The following PLVAP variants were observed in gnomAD, a reference collection of about 807,000 sequenced individuals.
The protein encoded by PLVAP is plasmalemma vesicle-associated protein.
PLVAP carries 34 observed loss-of-function variants against 43.1 expected under a neutral mutation model. The ratio of observed to expected loss-of-function variants is 0.79; its 90% confidence interval spans 0.60 to 1.05. The LOEUF is 1.05. Among genes scored for constraint, PLVAP ranks in the 50% least tolerant of loss-of-function variants. PLVAP has a pLI of 0.00. For missense variants in PLVAP, 574 were observed against 593.4 expected, an observed-to-expected ratio of 0.97 and a Z score of 0.34; for synonymous variants, 241 against 237.3, an observed-to-expected ratio of 1.02 and a Z score of -0.14.
At position 17,359,693 on chromosome 19, in the gene PLVAP, C is replaced by CTTTTT. The variant is rs10617408; in HGVS notation, c.1322+830_1322+834dup. Reference sequence around the variant, plus strand: ...AGGCGTAAGCCACCGTACCCGGCCTCTTTTTTTTTTTTTTTTTCTGACACA... The same window carrying CTTTTT: ...AGGCGTAAGCCACCGTACCCGGCCTCTTTTTTTTTTTTTTTTTTTTTTCTGACACA... On this transcript the variant is annotated intron_variant, in intron 5 of 5. Coordinates refer to ENST00000252590, the MANE Select transcript of PLVAP (RefSeq NM_031310.3). Among the ~76,000 whole-genome samples the CTTTTT allele has an allele frequency of 4.6e-4, 54 of 116,148 alleles. 1 individual carries two copies. The highest frequency in any genetic ancestry group is 7.9e-4 in the African/African-American group (25 of 31,570). The allele number at this position is 116,148 out of a possible 152,430, so 76.2% of individuals were successfully genotyped here.
intron 4 of PLVAP, 69 bp from the exon 5 acceptor site, chr19:17,360,678 C>A: frequency 2.5e-6 from 4 of 1,581,816 alleles, no homozygotes; most frequent in East Asian, 4.5e-5. Context: ...TAGGGATGGG[C>A]TGGCAGCCCA....
At position 17,372,225 on chromosome 19, in the gene PLVAP, T is replaced by C. The variant is rs559891903; in HGVS notation, c.369+4695A>G. Among the ~76,000 whole-genome samples the C allele has an allele frequency of 2.0e-4, 31 of 151,232 alleles. No homozygotes were observed. In the East Asian group the frequency reaches 5.5e-3, roughly 27 times the overall value. On this transcript the variant is annotated intron_variant, in intron 1 of 5. Transcript: ENST00000252590. ...GAGTTCCAGACCAGCCTGGCCAACA[T>C]GGGGAAACCCCATCTCTACTAAAAA...
intron 1 of PLVAP, among the ~76,000 whole-genome samples, chr19:17,368,940 T>C (rs772907889): frequency 1.3e-5 from 2 of 151,824 alleles, no homozygotes; most frequent in Non-Finnish European, 2.9e-5. Flanking sequence ...ATCGCGTCTC[T>C]GCACTCCAGT....
In PLVAP at chr19:17,352,189, G is replaced by A; in HGVS notation, c.*173C>T. The A allele has an allele frequency of 6.0e-6, 5 of 832,684 alleles. No individual in the cohort carries two copies. Among genetic ancestry groups the A allele is most frequent in the South Asian group, 3.3e-5 (2 of 60,228 alleles). 51.6% of individuals were successfully genotyped at this position (832,684 alleles called of 1,614,324 possible). ...CTCTGGGTGAGGGATCGTGAGGCGC[G>A]GGTGCGGGTGTGAGAGGGTACTAGG... is the stretch of plus-strand genomic sequence containing the variant. On this transcript the variant is annotated 3_prime_UTR_variant, in exon 6 of 6. Transcript: ENST00000252590.
chr19:17,371,276 C>G (rs1410739517), intron 1 of PLVAP, among the ~76,000 whole-genome samples: 2 of 151,074 alleles, frequency 1.3e-5, no homozygotes, highest in African/African-American at 4.9e-5. Context: ...ATTCTCATGC[C>G]TCAGCCTCCC....
chr19:17,368,572 C>A (rs746195318), intron 1 of PLVAP, among the ~76,000 whole-genome samples: 1 of 152,000 alleles, frequency 6.6e-6, no homozygotes, highest in Non-Finnish European at 1.5e-5. Context: ...GGGTCCTAAT[C>A]CAACATGACT....
At chr19:17,373,065 C>CAAAAAAAAAAAAA (rs59152541) in intron 1 of PLVAP, among the ~76,000 whole-genome samples, 1 of 45,676 alleles carries the variant, frequency 2.2e-5, no homozygotes, top group Non-Finnish European at 3.9e-5. Flanking sequence ...GACTCTGTCT[C>CAAAAAAAAAAAAA]AAAAAAAAAA....
chr19:17,359,253 C>T (rs2074518294), intron 5 of PLVAP, among the ~76,000 whole-genome samples: 1 of 150,806 alleles, frequency 6.6e-6, no homozygotes, highest in South Asian at 2.1e-4. Flanking sequence ...CAGGTGCCCA[C>T]CACCACACCC....
Position 17,365,575 on chromosome 19 carries a change from A to T in PLVAP, c.890T>A (p.Val297Glu). The T allele has an allele frequency of 6.2e-7, 1 of 1,612,294 alleles. No homozygotes were observed. The highest frequency in any genetic ancestry group is 8.5e-7 in the Non-Finnish European group (1 of 1,180,014). The change falls in exon 3 of 6, where the codon GTG becomes GAG. Residue 297 changes from valine (V) to glutamate (E), a missense_variant. By Grantham distance (121) the Val-to-Glu change is moderately radical. Transcript: ENST00000252590. Reference protein sequence around the residue: ...ARSLRADIERVARENSDLQRQ... With the variant: ...ARSLRADIEREARENSDLQRQ... ...TTGGAGGTCTGAGTTCTCGCGGGCC[A>T]CGCGTTCGATATCCGCCCGGAGGCT...
chr19:17,362,984 C>T (rs1482511501), intron 3 of PLVAP, among the ~76,000 whole-genome samples: 3 of 152,194 alleles, frequency 2.0e-5, no homozygotes, highest in South Asian at 2.1e-4. Flanking sequence ...ATTTTAACTC[C>T]GACCCTAACC....
chr19:17,376,146 C>T (rs1286549094), intron 1 of PLVAP, among the ~76,000 whole-genome samples: 1 of 151,258 alleles, frequency 6.6e-6, no homozygotes, highest in South Asian at 2.1e-4. Flanking sequence ...TCACTGTGCT[C>T]CAGCCTGGGT....
chr19:17,371,578 C>T (rs1441044627), intron 1 of PLVAP, among the ~76,000 whole-genome samples: 1 of 152,140 alleles, frequency 6.6e-6, no homozygotes, highest in South Asian at 2.1e-4. Flanking sequence ...CAGCCTCAGC[C>T]TCCCCAGGCT....
At chr19:17,370,227 G>A (rs760654900) in intron 1 of PLVAP, among the ~76,000 whole-genome samples, 1 of 152,182 alleles carries the variant, frequency 6.6e-6, no homozygotes, top group South Asian at 2.1e-4. Flanking sequence ...ACGGCTTTGG[G>A]AAAGTCTGGC....
At chr19:17,361,827 T>C (rs2074529613) in intron 3 of PLVAP, among the ~76,000 whole-genome samples, 1 of 151,668 alleles carries the variant, frequency 6.6e-6, no homozygotes, top group Non-Finnish European at 1.5e-5. Context: ...CCCAACACTT[T>C]GGGAAGCCGA....
chr19:17,352,202 A>G lies in PLVAP; in HGVS notation c.*160T>C. ...ATCGTGAGGCGCGGGTGCGGGTGTG[A>G]GAGGGTACTAGGGGTTTGCATGCAG... On this transcript the variant is annotated 3_prime_UTR_variant, in exon 6 of 6. Coordinates refer to ENST00000252590, the MANE Select transcript of PLVAP (RefSeq NM_031310.3). 1.1e-6 allele frequency: 1 copy of G among 937,968 alleles called. No individual in the cohort carries two copies. The highest frequency in any genetic ancestry group is 1.6e-5 in the South Asian group (1 of 64,038). The allele number at this position is 937,968 out of a possible 1,614,324, so 58.1% of individuals were successfully genotyped here.
rs114201007 is a variant in PLVAP, at chr19:17,361,389, C to T, written c.1180-557G>A. 5.1e-3 allele frequency among the ~76,000 whole-genome samples: 782 copies of T among 152,206 alleles called. 4 individuals are homozygous for T. The highest frequency in any genetic ancestry group is 0.018 in the African/African-American group (743 of 41,524). On this transcript the variant is annotated intron_variant, in intron 3 of 5. Transcript: ENST00000252590. ...TGGGGACTTGTGGGACTGATCACCT[C>T]GGCAGTCCTGAGGCCCCATGCTGCA...
At chr19:17,360,974 G>C (rs1466215396) in intron 3 of PLVAP, 142 bp from the exon 4 acceptor site, 1 of 745,852 alleles carries the variant, frequency 1.3e-6, no homozygotes, top group Non-Finnish European at 2.1e-6. Context: ...GAGTGCAGTG[G>C]TGTGATCTTG....
At chr19:17,352,410 A>G in intron 5 of PLVAP, 42 bp from the exon 6 acceptor site, 1 of 1,606,812 alleles carries the variant, frequency 6.2e-7, no homozygotes, top group East Asian at 2.2e-5. Context: ...AGTGTCAGAC[A>G]GAGGGAAGGG....
intron 3 of PLVAP, among the ~76,000 whole-genome samples, chr19:17,361,273 G>T (rs541805263): frequency 6.6e-6 from 1 of 152,180 alleles, no homozygotes; most frequent in East Asian, 1.9e-4. Context: ...TCCAGGGCAG[G>T]GTAACAGACC....
Sources: allele counts gnomAD v4.1 joint callset (sites outside exome capture counted in the v4.1 genomes callset), GRCh38; gene constraint gnomAD v4.1.1; transcripts MANE v1.5; gene names NCBI Gene and HGNC (gene_info 2026-07-23, HGNC 2026-07-21).